TNS3: variants seen among roughly 807,000 people sequenced by gnomAD.
TNS3 encodes the protein tensin-3.
Under a neutral mutation model 140.9 loss-of-function variants are expected in TNS3, and 45 were observed. The ratio of observed to expected loss-of-function variants is 0.32; its 90% CI spans 0.25 to 0.41. The LOEUF is 0.41. Ranked by LOEUF, TNS3 falls within the 10% of genes least tolerant of loss-of-function variation. The probability of loss-of-function intolerance (pLI) is 1.00; values close to 1 mark genes in which losing one functional copy is unlikely to be tolerated. For synonymous variants in TNS3, 815 were observed against 788.4 expected (o/e 1.03, Z -0.56); for missense variants, 1,716 against 1,906.7 (o/e 0.90, Z 1.86).
At chr7:47,521,568 C>T (rs1287529673) in intron 2 of TNS3, among the ~76,000 whole-genome samples, 1 of 152,106 alleles carries the variant, frequency 6.6e-6, no homozygotes, top group African/African-American at 2.4e-5. Flanking sequence ...TAGTCACTGG[C>T]CATGGATAGT....
chr7:47,331,409 G>A (rs761339571), intron 20 of TNS3, among the ~76,000 whole-genome samples: 2 of 152,134 alleles, frequency 1.3e-5, no homozygotes, highest in Non-Finnish European at 2.9e-5. Flanking sequence ...CTTGGGCATT[G>A]CGGAGAAGGA....
At chr7:47,569,699 C>T (rs187355515) in intron 1 of TNS3, among the ~76,000 whole-genome samples, 2 of 148,880 alleles carry the variant, frequency 1.3e-5, no homozygotes, top group East Asian at 2.0e-4. Context: ...ACTAAAAATA[C>T]AAAAATTAGC....
chr7:47,297,264 C>A, intron 23 of TNS3, 51 bp from the exon 24 acceptor site: 1 of 1,563,706 alleles, frequency 6.4e-7, no homozygotes, highest in Admixed American at 1.9e-5. Context: ...GGACAAAGGT[C>A]TATGCCCACT....
At chr7:47,446,979 T>C (rs1795774253) in intron 4 of TNS3, among the ~76,000 whole-genome samples, 2 of 152,098 alleles carry the variant, frequency 1.3e-5, no homozygotes, top group African/African-American at 4.8e-5. Flanking sequence ...TGAGCTTCCG[T>C]GCCCGGCCAG....
At chr7:47,533,165 C>T (rs1799477530) in intron 1 of TNS3, among the ~76,000 whole-genome samples, 1 of 113,718 alleles carries the variant, frequency 8.8e-6, no homozygotes, top group Non-Finnish European at 1.6e-5. Context: ...CAGAGTCTCG[C>T]TCTGTCGCCC....
chr7:47,343,702 T>C (rs142005010), intron 20 of TNS3, among the ~76,000 whole-genome samples: 3 of 152,368 alleles, frequency 2.0e-5, no homozygotes, highest in African/African-American at 4.8e-5. Flanking sequence ...TATTGGAACA[T>C]ACACACTTCT....
chr7:47,376,766 C>T (rs1791415592), intron 16 of TNS3, among the ~76,000 whole-genome samples: 2 of 148,574 alleles, frequency 1.3e-5, no homozygotes, highest in African/African-American at 5.0e-5. Context: ...AACTCATATA[C>T]ACCTCACTCA....
At chr7:47,426,135 A>G (rs1794637606) in intron 9 of TNS3, among the ~76,000 whole-genome samples, 1 of 152,170 alleles carries the variant, frequency 6.6e-6, no homozygotes, top group Non-Finnish European at 1.5e-5. Context: ...ACAAAAAATT[A>G]GCTGGGCATA....
chr7:47,553,357 G>A (rs1245266271), intron 1 of TNS3, among the ~76,000 whole-genome samples: 1 of 152,232 alleles, frequency 6.6e-6, no homozygotes, highest in Non-Finnish European at 1.5e-5. Context: ...AGAAGTCAAT[G>A]TCAAGCTTCA....
rs758154984 is a variant in TNS3, at chr7:47,415,122, G to A, written c.558C>T (p.His186=). ...CACCTGTGTCGAAGTTGGGGGTGCC[G>A]TGGAGGATGACAAAATGCAGGAACA... ...SPLFLHFVIL[H]GTPNFDTGGV... The change falls in exon 11 of 31, where the codon CAC becomes CAT. Residue 186 remains histidine (H), a synonymous_variant. Coordinates refer to ENST00000311160, the MANE Select transcript of TNS3 (RefSeq NM_022748.12). 2.5e-5 allele frequency: 41 copies of A among 1,611,862 alleles called. No homozygotes were observed. The highest frequency in any genetic ancestry group is 1.0e-4 in the Admixed American group (6 of 59,638).
intron 20 of TNS3, among the ~76,000 whole-genome samples, chr7:47,343,599 G>A (rs1049204801): frequency 2.6e-5 from 4 of 152,182 alleles, no homozygotes; most frequent in African/African-American, 9.6e-5. Context: ...ACATGGGGTG[G>A]AAGGGACATC....
intron 1 of TNS3, among the ~76,000 whole-genome samples, chr7:47,552,646 C>T (rs4724589): frequency 0.99 from 151,452 of 152,334 alleles, 75,294 homozygotes; most frequent in East Asian, 1. Flanking sequence ...ACTGCGAACT[C>T]AATGGATAAA....
At chr7:47,337,424 G>A (rs1382916989) in intron 20 of TNS3, among the ~76,000 whole-genome samples, 1 of 152,190 alleles carries the variant, frequency 6.6e-6, no homozygotes, top group Non-Finnish European at 1.5e-5. Context: ...ATTTTATGGA[G>A]ATAGTGTTAT....
intron 2 of TNS3, among the ~76,000 whole-genome samples, chr7:47,512,685 G>T (rs548598511): frequency 6.6e-6 from 1 of 152,200 alleles, no homozygotes; most frequent in South Asian, 2.1e-4. Context: ...CAGACAGAAA[G>T]GAGGAGCCAG....
chr7:47,283,594 G>A lies in TNS3; in HGVS notation c.4097+103C>T, dbSNP rs552273314. 51 of 1,168,416 alleles carry A rather than the reference G, an allele frequency of 4.4e-5. 1 individual carries two copies. The South Asian group carries it at 7.4e-4, about 17-fold the overall frequency. 72.4% of individuals were successfully genotyped at this position (1,168,416 alleles called of 1,614,324 possible). On this transcript the variant is annotated intron_variant, in intron 28 of 30. Transcript: ENST00000311160. ...CTGGGTGACTCATGACCTCAAAGAC[G>A]GCTAATGATTTACCTGGATGACTAC...
chr7:47,440,266 G>T (rs1345874071), intron 5 of TNS3, among the ~76,000 whole-genome samples: 1 of 152,148 alleles, frequency 6.6e-6, no homozygotes, highest in Non-Finnish European at 1.5e-5. Flanking sequence ...ACCTCACGTG[G>T]AGAGGGGACC....
chr7:47,526,863 T>C (rs1475551132), intron 2 of TNS3, among the ~76,000 whole-genome samples: 1 of 152,216 alleles, frequency 6.6e-6, no homozygotes, highest in African/African-American at 2.4e-5. Flanking sequence ...GGTTTCATGG[T>C]TCCAATTCAA....
chr7:47,314,397 GTGCTCCTCTGCACTGTCCCTGC>G (rs1787276807), intron 20 of TNS3, among the ~76,000 whole-genome samples: 1 of 152,212 alleles, frequency 6.6e-6, no homozygotes, highest in Admixed American at 6.5e-5. Context: ...CCCTTTCTAA[GTGCTCCTCTGCACTGTCCCTGC>G]TGAGCATCTA....
chr7:47,409,900 G>A (rs1206777377), intron 13 of TNS3, among the ~76,000 whole-genome samples: 2 of 152,006 alleles, frequency 1.3e-5, no homozygotes, highest in African/African-American at 2.4e-5. Flanking sequence ...CTCGTGATCC[G>A]CCCACCTCAG....
Sources: allele counts gnomAD v4.1 joint callset (sites outside exome capture counted in the v4.1 genomes callset), GRCh38; gene constraint gnomAD v4.1.1; transcripts MANE v1.5; gene names NCBI Gene and HGNC (gene_info 2026-07-23, HGNC 2026-07-21).